Variants in DAGLB observed in about 807,000 individuals in gnomAD.
The protein encoded by DAGLB is diacylglycerol lipase beta.
A neutral mutation model predicts 72.1 loss-of-function variants in DAGLB; 66 were observed. That is an observed-to-expected ratio of 0.92 (90% CI 0.75 to 1.12). The LOEUF is 1.12. Among genes scored for constraint, DAGLB ranks in the 50% most tolerant of loss-of-function variants. The probability of loss-of-function intolerance (pLI) is 0.00; values close to 1 mark genes in which losing one functional copy is unlikely to be tolerated. For synonymous variants in DAGLB, 414 were observed against 359.5 expected (o/e 1.15, Z -1.71); for missense variants, 1,065 against 884.9 (o/e 1.20, Z -2.58).
At position 6,421,788 on chromosome 7, in the gene DAGLB, A is replaced by T. The variant is rs762892017; in HGVS notation, c.1157T>A (p.Leu386Gln). 1.2e-6 allele frequency: 2 copies of T among 1,613,024 alleles called. No homozygotes were observed. The highest frequency in any genetic ancestry group is 2.2e-5 in the South Asian group (2 of 91,082). The part of the protein sequence containing the change: ...TMSLQDVLTD[L>Q]SAESEVLDVE... ...GTCCAGCACCTCACTCTCCGCTGAC[A>T]GGTCCGTAAGGACATCCTGTAAAAA... is the stretch of plus-strand genomic sequence containing the variant. The change falls in exon 9 of 15, where the codon CTG becomes CAG. Residue 386 changes from leucine to glutamine, a missense_variant. Coordinates refer to ENST00000297056, the MANE Select transcript of DAGLB (RefSeq NM_139179.4).
rs757921862 is a variant in DAGLB, at chr7:6,416,826, T to TAG, written c.1299+14_1299+15insCT. 1.2e-6 allele frequency: 2 copies of TAG among 1,614,164 alleles called. No homozygotes were observed. The highest frequency in any genetic ancestry group is 2.2e-5 in the South Asian group (2 of 91,088). ...CCAAAGAGGACAAGGAAAGAAACGT[T>TAG]AACTAAGATCTCACAGGAGCAATGC... On this transcript the variant is annotated intron_variant, in intron 10 of 14. Coordinates refer to ENST00000297056, the MANE Select transcript of DAGLB (RefSeq NM_139179.4).
intron 3 of DAGLB, 93 bp downstream of exon 3, chr7:6,436,269 C>A: frequency 6.8e-7 from 1 of 1,463,796 alleles, no homozygotes; most frequent in Non-Finnish European, 9.1e-7. Context: ...TTGAGGAAGT[C>A]CGAGGGACGC....
intron 9 of DAGLB, among the ~76,000 whole-genome samples, chr7:6,420,251 C>A (rs1784067724): frequency 1.3e-5 from 2 of 151,900 alleles, no homozygotes; most frequent in South Asian, 4.1e-4. Flanking sequence ...ACCAGCCTGG[C>A]CAACATGGTG....
intron 11 of DAGLB, among the ~76,000 whole-genome samples, chr7:6,415,935 C>T (rs1783896485): frequency 6.6e-6 from 1 of 152,072 alleles, no homozygotes; most frequent in South Asian, 2.1e-4. Flanking sequence ...CATATGCCCC[C>T]CGAGAGGGCG....
chr7:6,413,584 C>G (rs1018740357), intron 11 of DAGLB, among the ~76,000 whole-genome samples: 1 of 151,366 alleles, frequency 6.6e-6, no homozygotes, highest in Admixed American at 6.6e-5. Flanking sequence ...GAACTGAGAT[C>G]GCGCCACTGC....
At chr7:6,444,259 C>A (rs541942909) in intron 2 of DAGLB, among the ~76,000 whole-genome samples, 2 of 151,936 alleles carry the variant, frequency 1.3e-5, no homozygotes, top group African/African-American at 4.8e-5. Context: ...GGCAACAGAG[C>A]AAGACACTGT....
chr7:6,415,239 G>C (rs1261187514), intron 11 of DAGLB, among the ~76,000 whole-genome samples: 1 of 151,584 alleles, frequency 6.6e-6, no homozygotes, highest in African/African-American at 2.4e-5. Flanking sequence ...TGCCTCTGTA[G>C]ACTGCTAGGC....
intron 3 of DAGLB, among the ~76,000 whole-genome samples, chr7:6,436,110 G>C (rs1001577394): frequency 6.6e-6 from 1 of 151,718 alleles, no homozygotes; most frequent in African/African-American, 2.4e-5. Flanking sequence ...AAGAGAGAGA[G>C]ACAGAAGGGA....
chr7:6,426,226 A>C, intron 6 of DAGLB, 112 bp from the exon 7 acceptor site: 9 of 1,488,826 alleles, frequency 6.0e-6, no homozygotes, highest in Non-Finnish European at 8.2e-6. Context: ...GACAATTCTC[A>C]GGACTTAGCC....
At chr7:6,439,402 A>T (rs1277399077) in intron 2 of DAGLB, among the ~76,000 whole-genome samples, 1 of 152,200 alleles carries the variant, frequency 6.6e-6, no homozygotes, top group East Asian at 1.9e-4. Context: ...TGCATTCCTA[A>T]ATGTAATGTC....
intron 9 of DAGLB, 89 bp from the exon 10 acceptor site, chr7:6,417,010 ATG>A (rs2115247543): frequency 1.4e-6 from 2 of 1,414,696 alleles, no homozygotes; most frequent in Middle Eastern, 1.8e-4. Context: ...CTGTGCACTG[ATG>A]TGTGAGTCTC....
In DAGLB at chr7:6,435,007, C is replaced by G. The variant is rs764153612; in HGVS notation, c.433G>C (p.Ala145Pro). ...ATVVVSWIII[A>P]ATVVSIIIVF... is the part of the protein sequence containing the mutation. Reference sequence around the variant, plus strand: ...ATGATAATGGAAACCACTGTGGCAGCGATGATGATCCAACTGCAAGACAGA... The same window carrying G: ...ATGATAATGGAAACCACTGTGGCAGGGATGATGATCCAACTGCAAGACAGA... Residue 145 changes from alanine to proline, a missense_variant, in exon 4 of 15, where the codon GCT (alanine) becomes CCT (proline). By Grantham distance (27) the Ala-to-Pro change is conservative. Coordinates refer to ENST00000297056, the MANE Select transcript of DAGLB (RefSeq NM_139179.4). The G allele has an allele frequency of 6.2e-7, 1 of 1,613,406 alleles. No individual in the cohort carries two copies. Among genetic ancestry groups the G allele is most frequent in the Non-Finnish European group, 8.5e-7 (1 of 1,180,014 alleles).
chr7:6,439,810 G>C (rs1784769225), intron 2 of DAGLB, among the ~76,000 whole-genome samples: 1 of 151,622 alleles, frequency 6.6e-6, no homozygotes, highest in Non-Finnish European at 1.5e-5. Flanking sequence ...CGAGCAATTT[G>C]GGAGGGCAAG....
chr7:6,424,009 G>A lies in DAGLB; in HGVS notation c.1140+743C>T, dbSNP rs554783297. Among the ~76,000 whole-genome samples, 503 of 152,298 alleles carry A rather than the reference G, an allele frequency of 3.3e-3. 5 individuals are homozygous for A. The highest frequency in any genetic ancestry group is 5.6e-3 in the Non-Finnish European group (380 of 68,030). On this transcript the variant is annotated intron_variant, in intron 8 of 14. Coordinates refer to ENST00000297056, the MANE Select transcript of DAGLB (RefSeq NM_139179.4). ...CCACAGATGGCTCCTGAAGATGCAA[G>A]TTTGGGGTCCTGGCCCTGGACTTAG...
chr7:6,412,965 C>T lies in DAGLB; in HGVS notation c.1496+1G>A. 6.2e-7 allele frequency: 1 copy of T among 1,613,940 alleles called. No individual in the cohort carries two copies. Among genetic ancestry groups the T allele is most frequent in the Non-Finnish European group, 8.5e-7 (1 of 1,179,910 alleles). On this transcript the variant is annotated splice_donor_variant, in intron 12 of 14. Coordinates refer to ENST00000297056, the MANE Select transcript of DAGLB (RefSeq NM_139179.4). LOFTEE classifies it high-confidence loss of function. The stretch of plus-strand genomic sequence containing the variant: ...CTGGGCACAGCACCAGGTGGGCTTA[C>T]CTGGGAATCACATCCTTCCCCAGGA...
chr7:6,416,753 TC>T lies in DAGLB; in HGVS notation c.1300del (p.Glu434SerfsTer6). On this transcript the variant is annotated frameshift_variant and splice_region_variant, in exon 11 of 15. Coordinates refer to ENST00000297056, the MANE Select transcript of DAGLB (RefSeq NM_139179.4). LOFTEE classifies it high-confidence loss of function. ...GTGGCCCACTATGACCAGCCGGTAC[TC>T]CTAGAGGACAGACAGCAGAATGAGG... Reference protein sequence around the residue: ...ILSQAFSIAPEYRLVIVGHSL... With the variant: ...ILSQAFSIAPXYRLVIVGHSL... 1 of 1,613,708 alleles carries T rather than the reference TC, an allele frequency of 6.2e-7. No individual in the cohort carries two copies. Among genetic ancestry groups the T allele is most frequent in the Non-Finnish European group, 8.5e-7 (1 of 1,179,824 alleles).
intron 2 of DAGLB, among the ~76,000 whole-genome samples, chr7:6,439,981 G>C (rs2115292322): frequency 6.6e-6 from 1 of 150,476 alleles, no homozygotes; most frequent in African/African-American, 2.4e-5. Flanking sequence ...GAACCCAAGA[G>C]GTAGAGGATG....
intron 6 of DAGLB, among the ~76,000 whole-genome samples, chr7:6,427,605 T>C (rs903219513): frequency 2.0e-5 from 3 of 152,032 alleles, no homozygotes; most frequent in East Asian, 1.9e-4. Context: ...AAAAAAGATA[T>C]TAGTAAAATC....
intron 13 of DAGLB, among the ~76,000 whole-genome samples, chr7:6,411,100 C>T (rs1238751891): frequency 2.0e-5 from 3 of 151,832 alleles, no homozygotes; most frequent in African/African-American, 7.3e-5. Context: ...TCTCTATCTC[C>T]TGACCTCGTG....
Sources: gnomAD v4.1 joint callset for allele counts (sites outside exome capture counted in the v4.1 genomes callset) on GRCh38, gnomAD v4.1.1 for gene constraint, MANE v1.5 for transcripts, NCBI Gene and HGNC (gene_info 2026-07-23, HGNC 2026-07-21) for gene names.